Variants in PXDNL observed in about 807,000 individuals in gnomAD.
PXDNL encodes the protein probable oxidoreductase PXDNL.
Under a neutral mutation model 150.8 loss-of-function variants are expected in PXDNL, and 145 were observed. The ratio of observed to expected loss-of-function variants is 0.96; its 90% CI spans 0.84 to 1.10. PXDNL has a LOEUF of 1.10. Among genes scored for constraint, PXDNL ranks in the 50% least tolerant of loss-of-function variants. The probability of loss-of-function intolerance (pLI) is 0.00; values close to 1 mark genes in which losing one functional copy is unlikely to be tolerated. For synonymous variants in PXDNL, 757 were observed against 725.7 expected (o/e 1.04, Z -0.69); for missense variants, 2,087 against 1,873.9 (o/e 1.11, Z -2.10).
intron 1 of PXDNL, among the ~76,000 whole-genome samples, chr8:51,736,244 T>A (rs1817036206): frequency 6.6e-6 from 1 of 152,242 alleles, no homozygotes; most frequent in South Asian, 2.1e-4. Context: ...ATAGAGTGAA[T>A]GTGCACTATG....
intron 17 of PXDNL, among the ~76,000 whole-genome samples, chr8:51,377,754 C>G (rs929257319): frequency 1.3e-5 from 2 of 152,182 alleles, no homozygotes; most frequent in Non-Finnish European, 1.5e-5. Flanking sequence ...TGCCTCCCTG[C>G]GGGGCAGGGC....
intron 21 of PXDNL, among the ~76,000 whole-genome samples, chr8:51,331,672 G>A (rs1042719505): frequency 5.3e-5 from 8 of 152,140 alleles, no homozygotes; most frequent in African/African-American, 7.2e-5. Flanking sequence ...CCGGCCCTTC[G>A]GTTTGCATGG....
At chr8:51,623,304 A>G (rs1355444671) in intron 2 of PXDNL, among the ~76,000 whole-genome samples, 1 of 152,118 alleles carries the variant, frequency 6.6e-6, no homozygotes, top group Non-Finnish European at 1.5e-5. Flanking sequence ...GCCTTGTTTC[A>G]CCCAACCTTG....
At chr8:51,778,053 T>C (rs544293202) in intron 1 of PXDNL, among the ~76,000 whole-genome samples, 1 of 151,958 alleles carries the variant, frequency 6.6e-6, no homozygotes, top group Admixed American at 6.5e-5. Context: ...TACTTATCAA[T>C]TGGCCGGGTG....
chr8:51,693,097 T>C (rs1376641092), intron 1 of PXDNL, among the ~76,000 whole-genome samples: 1 of 152,236 alleles, frequency 6.6e-6, no homozygotes, highest in Non-Finnish European at 1.5e-5. Flanking sequence ...GTCCAAAGAA[T>C]ATTACTCAGT....
intron 17 of PXDNL, among the ~76,000 whole-genome samples, chr8:51,407,247 T>G (rs1229259422): frequency 6.6e-6 from 1 of 152,228 alleles, no homozygotes. Flanking sequence ...TCCACATATG[T>G]GACAAATTCT....
At chr8:51,728,453 G>A (rs1250345077) in intron 1 of PXDNL, among the ~76,000 whole-genome samples, 2 of 152,104 alleles carry the variant, frequency 1.3e-5, no homozygotes, top group African/African-American at 2.4e-5. Context: ...CTCTATGGGT[G>A]CTACTGCCCC....
chr8:51,689,494 T>A (rs896635278), intron 1 of PXDNL, among the ~76,000 whole-genome samples: 1 of 152,158 alleles, frequency 6.6e-6, no homozygotes, highest in East Asian at 1.9e-4. Flanking sequence ...AAGTGGTTGG[T>A]TATCTCTTCC....
intron 17 of PXDNL, among the ~76,000 whole-genome samples, chr8:51,389,941 T>G (rs1047696892): frequency 1.3e-5 from 2 of 151,992 alleles, no homozygotes; most frequent in Non-Finnish European, 2.9e-5. Context: ...AAAGAAAAGG[T>G]TTTAATATTA....
rs768101625 is a variant in PXDNL at position 51,652,437 on chromosome 8, TCTCACA to T, written c.236+2246_236+2251del. ...CTGTCTCTCTGTCTCTCTCTCTCTC[TCTCACA>T]CACACACACACACACACAAACACAC... On this transcript the variant is annotated intron_variant, in intron 2 of 22. Transcript: ENST00000356297. 2.7e-3 allele frequency among the ~76,000 whole-genome samples: 388 copies of T among 143,930 alleles called. 6 individuals carry two copies. The South Asian group carries it at 0.036, about 13-fold the overall frequency. 94.4% of individuals were successfully genotyped at this position (143,930 alleles called of 152,430 possible). A position where few individuals can be genotyped will look rare whatever the true frequency, so the allele number is the denominator to read the frequency against.
intron 14 of PXDNL, among the ~76,000 whole-genome samples, chr8:51,416,192 T>C (rs1000732457): frequency 1.3e-5 from 2 of 152,234 alleles, no homozygotes; most frequent in Non-Finnish European, 2.9e-5. Context: ...GGACAAAATA[T>C]GTTATCAAAG....
chr8:51,586,198 A>T (rs969749385), intron 3 of PXDNL, among the ~76,000 whole-genome samples: 1 of 152,214 alleles, frequency 6.6e-6, no homozygotes, highest in African/African-American at 2.4e-5. Context: ...GAAAGCACTC[A>T]TCCCTGACTA....
chr8:51,478,000 A>C (rs535124260), intron 6 of PXDNL, among the ~76,000 whole-genome samples: 5 of 152,230 alleles, frequency 3.3e-5, no homozygotes, highest in Non-Finnish European at 7.3e-5. Flanking sequence ...AGAAAATAAA[A>C]GTATACTTTT....
rs1484223722 is a variant in PXDNL at position 51,408,358 on chromosome 8, G to T, written c.3266C>A (p.Ser1089Tyr). Residue 1089 changes from serine (S) to tyrosine (Y), a missense_variant, in exon 17 of 23, where the codon TCC (serine) becomes TAC (tyrosine). Coordinates refer to ENST00000356297, the MANE Select transcript of PXDNL (RefSeq NM_144651.5). Reference sequence around the variant, plus strand: ...TATCCCACCTTCCTTGATTATTCTGGACGGTGAAAAGAGCGCTTTATGGAA... The same window carrying T: ...TATCCCACCTTCCTTGATTATTCTGTACGGTGAAAAGAGCGCTTTATGGAA... ...LPFHKALFSP[S>Y]RIIKEGGIDP... 1 of 1,614,060 alleles carries T rather than the reference G, an allele frequency of 6.2e-7. No homozygotes were observed. Among genetic ancestry groups the T allele is most frequent in the South Asian group, 1.1e-5 (1 of 91,082 alleles).
At chr8:51,674,926 T>C (rs1003170778) in intron 1 of PXDNL, among the ~76,000 whole-genome samples, 28 of 152,216 alleles carry the variant, frequency 1.8e-4, no homozygotes, top group African/African-American at 6.5e-4. Flanking sequence ...ACAAATTACA[T>C]TATTTCCCCT....
intron 17 of PXDNL, among the ~76,000 whole-genome samples, chr8:51,400,749 G>A (rs1334705523): frequency 6.6e-6 from 1 of 152,192 alleles, no homozygotes; most frequent in Non-Finnish European, 1.5e-5. Context: ...TTAAGGTCAT[G>A]TAAGAATCAA....
At chr8:51,389,782 C>T (rs943447168) in intron 17 of PXDNL, among the ~76,000 whole-genome samples, 1 of 152,066 alleles carries the variant, frequency 6.6e-6, no homozygotes, top group African/African-American at 2.4e-5. Flanking sequence ...AAAAAGGAAG[C>T]TCATTTTACT....
rs1805931551 is a variant in PXDNL at position 51,339,625 on chromosome 8, T to A, written c.4145A>T (p.Gln1382Leu). The A allele has an allele frequency of 6.2e-7, 1 of 1,612,224 alleles. No individual in the cohort carries two copies. The highest frequency in any genetic ancestry group is 1.7e-5 in the Admixed American group (1 of 59,620). ...ATGTTATTTGAAGAGAAAACAAACC[T>A]GCTCTCTGAGTGCTGTGATGGTTTC... Reference protein sequence around the residue: ...IQETITALREQINKLEARLRQ... With the variant: ...IQETITALRELINKLEARLRQ... The change falls in exon 21 of 23, where the codon CAG (glutamine) becomes CTG (leucine). Residue 1382 changes from glutamine to leucine, a missense_variant and splice_region_variant. Coordinates refer to ENST00000356297, the MANE Select transcript of PXDNL (RefSeq NM_144651.5).
chr8:51,751,839 C>A (rs985249062), intron 1 of PXDNL, among the ~76,000 whole-genome samples: 1 of 152,148 alleles, frequency 6.6e-6, no homozygotes, highest in African/African-American at 2.4e-5. Flanking sequence ...TCTAATTTCC[C>A]CTCTTTATCA....
Sources: allele counts gnomAD v4.1 joint callset (sites outside exome capture counted in the v4.1 genomes callset), GRCh38; gene constraint gnomAD v4.1.1; transcripts MANE v1.5; gene names NCBI Gene and HGNC (gene_info 2026-07-23, HGNC 2026-07-21).